The following RFX7 variants were observed in gnomAD, a reference collection of about 807,000 sequenced individuals.
The protein encoded by RFX7 is DNA-binding protein RFX7.
A neutral mutation model predicts 111.8 loss-of-function variants in RFX7; 26 were observed. The ratio of observed to expected loss-of-function variants is 0.23; its 90% confidence interval spans 0.17 to 0.32. The LOEUF (loss-of-function observed/expected upper bound fraction) is 0.32. Ranked by LOEUF, RFX7 falls within the 10% of genes least tolerant of loss-of-function variation. The pLI, the probability that RFX7 is intolerant of heterozygous loss-of-function variation, is 1.00. For missense variants in RFX7, 1,573 were observed against 1,772.9 expected (o/e 0.89, Z 2.02); for synonymous variants, 624 against 624.4 (o/e 1.00, Z 0.01).
At chr15:56,097,771 A>AAAAAAC (rs1567005692) in intron 9 of RFX7, among the ~76,000 whole-genome samples, 1 of 149,282 alleles carries the variant, frequency 6.7e-6, no homozygotes, top group Non-Finnish European at 1.5e-5. Flanking sequence ...AAAAAAAAAA[A>AAAAAAC]TCTTGGCTCA....
Position 56,142,930 on chromosome 15 carries a change from C to T in RFX7, c.279-30G>A, listed in dbSNP as rs1171634480. ...TAGAATGAAAACATGTTTTAGCTGA[C>T]CAGACAGCAATTCATTAACGATTTT... On this transcript the variant is annotated intron_variant, in intron 4 of 9. Coordinates refer to ENST00000559447, the MANE Select transcript of RFX7 (RefSeq NM_022841.7). 12 of 1,610,120 alleles carry T rather than the reference C, an allele frequency of 7.5e-6. No homozygotes were observed. In the Middle Eastern group the frequency reaches 1.3e-3, roughly 177 times the overall value.
rs185335074 is a variant in RFX7 at position 56,112,200 on chromosome 15, A to G, written c.402-8530T>C. On this transcript the variant is annotated intron_variant, in intron 5 of 9. Transcript: ENST00000559447. Reference sequence around the variant, plus strand: ...AAAACTGAGGACTCAGAAATTAAATAACTTGCCTAAGATGGTAGAGCTCTC... The same window carrying G: ...AAAACTGAGGACTCAGAAATTAAATGACTTGCCTAAGATGGTAGAGCTCTC... Among the ~76,000 whole-genome samples the G allele has an allele frequency of 3.4e-3, 510 of 152,084 alleles. 3 individuals are homozygous for G. Among genetic ancestry groups the G allele is most frequent in the African/African-American group, 0.011 (465 of 41,480 alleles).
At chr15:56,160,657 G>C (rs2042709879) in intron 3 of RFX7, 2 of 151,952 alleles carry the variant, frequency 1.3e-5, no homozygotes, top group Admixed American at 6.6e-5. Context: ...GGATCAAAAG[G>C]GAGAAAATAT....
chr15:56,225,415 T>C lies in RFX7; in HGVS notation c.161+17710A>G, dbSNP rs117307970. ...CCTGTCTGAGCTACCTCTCCATTGT[T>C]TATACTGCACTGCCAGTGCTGGAAT... On this transcript the variant is annotated intron_variant, in intron 2 of 9. Transcript: ENST00000559447. Among the ~76,000 whole-genome samples, 1,389 of 152,270 alleles carry C rather than the reference T, an allele frequency of 9.1e-3. 9 individuals are homozygous for C. Among genetic ancestry groups the C allele is most frequent in the Non-Finnish European group, 0.015 (989 of 67,986 alleles).
chr15:56,122,755 C>T (rs2042094623), intron 5 of RFX7, among the ~76,000 whole-genome samples: 1 of 148,632 alleles, frequency 6.7e-6, no homozygotes. Context: ...CAAGACAGTC[C>T]TTCCCACTCT....
At chr15:56,113,516 G>A (rs1230030955) in intron 5 of RFX7, among the ~76,000 whole-genome samples, 3 of 152,102 alleles carry the variant, frequency 2.0e-5, no homozygotes, top group Admixed American at 1.3e-4. Context: ...GGTGAGGGGA[G>A]GAAAGAGCAT....
intron 2 of RFX7, among the ~76,000 whole-genome samples, chr15:56,183,968 G>C (rs1436847145): frequency 6.6e-6 from 1 of 151,300 alleles, no homozygotes; most frequent in Non-Finnish European, 1.5e-5. Context: ...TTTCTATGTT[G>C]ACCTTATCTC....
At chr15:56,191,572 G>A in intron 2 of RFX7, among the ~76,000 whole-genome samples, 1 of 151,926 alleles carries the variant, frequency 6.6e-6, no homozygotes, top group East Asian at 1.9e-4. Context: ...TTATTATTTT[G>A]GGGTTTCTTA....
intron 5 of RFX7, among the ~76,000 whole-genome samples, chr15:56,134,948 C>T (rs544564707): frequency 1.4e-4 from 22 of 152,156 alleles, no homozygotes; most frequent in African/African-American, 5.1e-4. Flanking sequence ...ATGAACTCAT[C>T]ATTTTTTATG....
chr15:56,174,680 G>A (rs1394039063), intron 3 of RFX7, among the ~76,000 whole-genome samples: 3 of 152,166 alleles, frequency 2.0e-5, no homozygotes, highest in African/African-American at 7.2e-5. Flanking sequence ...CTGGGAGACA[G>A]AAGTTGCAGT....
chr15:56,201,809 T>C (rs192062113), intron 2 of RFX7, among the ~76,000 whole-genome samples: 90 of 152,256 alleles, frequency 5.9e-4, no homozygotes, highest in African/African-American at 2.1e-3. Flanking sequence ...GATGGGCAGA[T>C]CACGAGGTCA....
At chr15:56,190,455 C>T (rs1220533706) in intron 2 of RFX7, among the ~76,000 whole-genome samples, 1 of 152,204 alleles carries the variant, frequency 6.6e-6, no homozygotes, top group Non-Finnish European at 1.5e-5. Flanking sequence ...CAGCCCCTTC[C>T]CCCAACCTGG....
chr15:56,161,425 T>G (rs1400262101), intron 3 of RFX7, among the ~76,000 whole-genome samples: 3 of 152,094 alleles, frequency 2.0e-5, no homozygotes, highest in Non-Finnish European at 2.9e-5. Context: ...TGCTTAATAT[T>G]GAGAAGTTTC....
At chr15:56,176,961 A>T (rs1218037255) in intron 3 of RFX7, among the ~76,000 whole-genome samples, 1 of 151,482 alleles carries the variant, frequency 6.6e-6, no homozygotes, top group Non-Finnish European at 1.5e-5. Context: ...AACAGATTGC[A>T]CTATTCTCTG....
At chr15:56,167,830 A>G (rs916320239) in intron 3 of RFX7, among the ~76,000 whole-genome samples, 5 of 152,176 alleles carry the variant, frequency 3.3e-5, no homozygotes, top group African/African-American at 1.2e-4. Flanking sequence ...TATTGTAGCT[A>G]TTTCACTTTA....
At chr15:56,186,582 T>C (rs1393987132) in intron 2 of RFX7, among the ~76,000 whole-genome samples, 1 of 152,152 alleles carries the variant, frequency 6.6e-6, no homozygotes, top group Non-Finnish European at 1.5e-5. Flanking sequence ...AGGAGTCTTT[T>C]ATTATATGGG....
intron 5 of RFX7, among the ~76,000 whole-genome samples, chr15:56,124,736 G>A (rs1054575393): frequency 3.9e-5 from 6 of 152,138 alleles, no homozygotes; most frequent in African/African-American, 1.4e-4. Context: ...TGAGTTCCTT[G>A]TACATAATGA....
chr15:56,133,768 T>C (rs1716788781), intron 5 of RFX7, among the ~76,000 whole-genome samples: 1 of 152,188 alleles, frequency 6.6e-6, no homozygotes, highest in South Asian at 2.1e-4. Flanking sequence ...TGTTTCTACC[T>C]TTTTTATCTC....
chr15:56,117,547 CAT>C (rs1434746649), intron 5 of RFX7, among the ~76,000 whole-genome samples: 2 of 152,132 alleles, frequency 1.3e-5, no homozygotes, highest in Middle Eastern at 3.2e-3. Flanking sequence ...TACTGTTAAG[CAT>C]AGTCATTTTT....
Sources: allele counts gnomAD v4.1 joint callset (sites outside exome capture counted in the v4.1 genomes callset), GRCh38; gene constraint gnomAD v4.1.1; transcripts MANE v1.5; gene names NCBI Gene and HGNC (gene_info 2026-07-23, HGNC 2026-07-21).